VIT: variants seen among roughly 807,000 people sequenced by gnomAD.
VIT encodes the protein vitrin.
A neutral mutation model predicts 78.0 loss-of-function variants in VIT; 99 were observed. That is an observed-to-expected ratio of 1.27 (90% CI 1.08 to 1.50). The LOEUF (loss-of-function observed/expected upper bound fraction) is 1.50. Among genes scored for constraint, VIT ranks in the 40% most tolerant of loss-of-function variants. The pLI is 0.00. For missense variants in VIT, 1,126 were observed against 875.3 expected (o/e 1.29, Z -3.61); for synonymous variants, 374 against 334.3 (o/e 1.12, Z -1.29).
intron 1 of VIT, among the ~76,000 whole-genome samples, chr2:36,714,516 G>C (rs1356938423): frequency 1.3e-5 from 2 of 152,052 alleles, no homozygotes; most frequent in African/African-American, 4.8e-5. Flanking sequence ...GCCAGCTTTG[G>C]GCCACACAAC....
At chr2:36,801,050 T>G (rs1286152542) in intron 12 of VIT, among the ~76,000 whole-genome samples, 1 of 152,220 alleles carries the variant, frequency 6.6e-6, no homozygotes, top group African/African-American at 2.4e-5. Context: ...ATGAGGAATC[T>G]GAAGCCCAGA....
chr2:36,746,544 A>G (rs1050371791), intron 4 of VIT, among the ~76,000 whole-genome samples: 2 of 152,092 alleles, frequency 1.3e-5, no homozygotes, highest in Admixed American at 6.6e-5. Flanking sequence ...GTGTGTTTAC[A>G]GGACTTTATG....
At chr2:36,781,839 CTAA>C (rs1381952243) in intron 10 of VIT, 68 bp downstream of exon 10, 8 of 1,581,898 alleles carry the variant, frequency 5.1e-6, no homozygotes, top group Admixed American at 1.7e-5. Flanking sequence ...AACTAAGAGT[CTAA>C]TAATCCAGCT....
chr2:36,810,409 C>T (rs899672272), intron 15 of VIT, among the ~76,000 whole-genome samples: 3 of 152,208 alleles, frequency 2.0e-5, no homozygotes, highest in South Asian at 2.1e-4. Context: ...AAATCAGCCA[C>T]GTTTATGCCT....
At chr2:36,720,000 T>C (rs1015402545) in intron 2 of VIT, among the ~76,000 whole-genome samples, 1 of 152,124 alleles carries the variant, frequency 6.6e-6, no homozygotes, top group African/African-American at 2.4e-5. Flanking sequence ...TGGAAAGATA[T>C]TCCATGTTCA....
chr2:36,759,260 C>A, intron 6 of VIT: 1 of 1,495,478 alleles, frequency 6.7e-7, no homozygotes. Flanking sequence ...TTTGCAATTC[C>A]GAGATTGTGT....
chr2:36,766,998 C>T (rs1161068130), intron 6 of VIT, 96 bp from the exon 7 acceptor site: 1 of 1,345,702 alleles, frequency 7.4e-7, no homozygotes, highest in Non-Finnish European at 9.7e-7. Flanking sequence ...GCTCTGTGCT[C>T]ATAGCTAGTG....
At chr2:36,734,670 C>T (rs1477915159) in intron 3 of VIT, among the ~76,000 whole-genome samples, 1 of 152,200 alleles carries the variant, frequency 6.6e-6, no homozygotes, top group Non-Finnish European at 1.5e-5. Context: ...ATTCTGCCTA[C>T]TCATGGGGTT....
At chr2:36,796,881 G>T (rs1017340013) in intron 12 of VIT, among the ~76,000 whole-genome samples, 5 of 152,050 alleles carry the variant, frequency 3.3e-5, no homozygotes, top group Non-Finnish European at 5.9e-5. Flanking sequence ...ACACCCTCAG[G>T]AAATTGTGCA....
intron 9 of VIT, among the ~76,000 whole-genome samples, chr2:36,776,351 G>C (rs976114076): frequency 6.6e-6 from 1 of 152,148 alleles, no homozygotes; most frequent in African/African-American, 2.4e-5. Flanking sequence ...CTGACTGCAG[G>C]AGCTGATAAC....
At chr2:36,714,649 T>C (rs1383929710) in intron 1 of VIT, among the ~76,000 whole-genome samples, 1 of 152,168 alleles carries the variant, frequency 6.6e-6, no homozygotes, top group Non-Finnish European at 1.5e-5. Flanking sequence ...CAGACCAACT[T>C]TAAGTCTTTT....
At position 36,729,418 on chromosome 2, in the gene VIT, T is replaced by C; in HGVS notation, c.53-8T>C. On this transcript the variant is annotated splice_region_variant and splice_polypyrimidine_tract_variant and intron_variant, in intron 2 of 15. Transcript: ENST00000379242. ...TTGATTAAATTTTTAAAAATTTTCT[T>C]CATGTAGTTTTGCTGGTGACTGGAG... The C allele has an allele frequency of 6.3e-7, 1 of 1,591,680 alleles. No individual in the cohort carries two copies. Among genetic ancestry groups the C allele is most frequent in the Non-Finnish European group, 8.5e-7 (1 of 1,172,844 alleles).
chr2:36,726,875 G>A (rs1272402331), intron 2 of VIT, among the ~76,000 whole-genome samples: 4 of 143,744 alleles, frequency 2.8e-5, no homozygotes, highest in African/African-American at 1.0e-4. Context: ...GTCTGGGAAA[G>A]AAAGGCAAGG....
chr2:36,741,250 A>C (rs1667816730), intron 3 of VIT, among the ~76,000 whole-genome samples: 1 of 152,220 alleles, frequency 6.6e-6, no homozygotes, highest in African/African-American at 2.4e-5. Flanking sequence ...TCTGAGACTC[A>C]TAATAGTAAA....
At chr2:36,739,967 A>C (rs1246254697) in intron 3 of VIT, among the ~76,000 whole-genome samples, 1 of 152,196 alleles carries the variant, frequency 6.6e-6, no homozygotes, top group Non-Finnish European at 1.5e-5. Flanking sequence ...GAACTTACAA[A>C]TAATTTTTCA....
At chr2:36,759,407 T>C in intron 6 of VIT, 1 of 1,321,352 alleles carries the variant, frequency 7.6e-7, no homozygotes, top group Non-Finnish European at 9.7e-7. Context: ...TCTACTTAGA[T>C]ATGAAATGAA....
At chr2:36,724,232 A>G (rs1442310443) in intron 2 of VIT, among the ~76,000 whole-genome samples, 1 of 151,976 alleles carries the variant, frequency 6.6e-6, no homozygotes, top group Non-Finnish European at 1.5e-5. Flanking sequence ...TTGGCCAGAG[A>G]ACACTGGATT....
chr2:36,767,540 T>A lies in VIT; in HGVS notation c.679+255T>A, dbSNP rs1248908726. On this transcript the variant is annotated intron_variant, in intron 7 of 15. Coordinates refer to ENST00000379242, the MANE Select transcript of VIT (RefSeq NM_053276.4). Reference sequence around the variant, plus strand: ...ATCTTCATTTCTCCAAAAGCTCAGTTGAAGGGATGGTAGATTTCTATGTAA... The same window carrying A: ...ATCTTCATTTCTCCAAAAGCTCAGTAGAAGGGATGGTAGATTTCTATGTAA... 4.6e-5 allele frequency among the ~76,000 whole-genome samples: 7 copies of A among 152,238 alleles called. 1 individual carries two copies. Among genetic ancestry groups the A allele is most frequent in the African/African-American group, 1.7e-4 (7 of 41,470 alleles).
In VIT at chr2:36,789,202, A is replaced by T. The variant is rs142432248; in HGVS notation, c.1058+1926A>T. On this transcript the variant is annotated intron_variant, in intron 12 of 15. Transcript: ENST00000379242. ...AAGCGCAATGCACCGCTGACAGGTG[A>T]TCTGAATTCGGGCCTCAGCTCCTCT... Among the ~76,000 whole-genome samples, 848 of 152,234 alleles carry T rather than the reference A, an allele frequency of 5.6e-3. 10 individuals carry two copies. Among genetic ancestry groups the T allele is most frequent in the South Asian group, 0.026 (123 of 4,816 alleles).
Sources: gnomAD v4.1 joint callset for allele counts (sites outside exome capture counted in the v4.1 genomes callset) on GRCh38, gnomAD v4.1.1 for gene constraint, MANE v1.5 for transcripts, NCBI Gene and HGNC (gene_info 2026-07-23, HGNC 2026-07-21) for gene names.